The following DHX40 variants were observed in gnomAD, a reference collection of about 807,000 sequenced individuals.
The protein encoded by DHX40 is probable ATP-dependent RNA helicase DHX40.
DHX40 carries 28 observed loss-of-function variants against 89.6 expected under a neutral mutation model. That is an observed-to-expected ratio of 0.31 (90% CI 0.23 to 0.43). The LOEUF (loss-of-function observed/expected upper bound fraction) is 0.43, where lower values mean the gene tolerates loss of function less well. Among genes scored for constraint, DHX40 ranks in the 20% least tolerant of loss-of-function variants. The pLI is 1.00. For synonymous variants in DHX40, 226 were observed against 283.6 expected, an observed-to-expected ratio of 0.80 and a Z score of 2.04; for missense variants, 457 against 844.0, an observed-to-expected ratio of 0.54 and a Z score of 5.68.
intron 14 of DHX40, 111 bp from the exon 15 acceptor site, chr17:59,602,411 A>C: frequency 1.1e-6 from 1 of 950,098 alleles, no homozygotes; most frequent in Non-Finnish European, 1.5e-6. Flanking sequence ...GGTCTCTCTT[A>C]ATCTATGTTG....
At chr17:59,595,170 A>G (rs368100642) in intron 12 of DHX40, among the ~76,000 whole-genome samples, 3 of 151,340 alleles carry the variant, frequency 2.0e-5, no homozygotes, top group Non-Finnish European at 2.9e-5. Flanking sequence ...CACAACCTCT[A>G]CCTCCCAGGT....
chr17:59,589,215 A>ATTTTTTTT (rs1209554990), intron 12 of DHX40, among the ~76,000 whole-genome samples: 3 of 89,352 alleles, frequency 3.4e-5, no homozygotes, highest in South Asian at 4.0e-4. Flanking sequence ...ACTTGCTGGG[A>ATTTTTTTT]TTTTTTTTTT....
At chr17:59,606,484 C>G (rs537688779) in intron 17 of DHX40, among the ~76,000 whole-genome samples, 2 of 151,900 alleles carry the variant, frequency 1.3e-5, no homozygotes, top group East Asian at 3.8e-4. Flanking sequence ...TGGTGGCTCA[C>G]GCCTGTAATC....
intron 15 of DHX40, 117 bp downstream of exon 15, chr17:59,602,733 A>T: frequency 2.2e-6 from 2 of 927,574 alleles, no homozygotes; most frequent in Non-Finnish European, 3.2e-6. Context: ...TGATTATGAC[A>T]TGAATTACAG....
intron 6 of DHX40, 31 bp downstream of exon 6, chr17:59,574,285 A>C (rs2048850344): frequency 2.5e-6 from 1 of 403,846 alleles, no homozygotes; most frequent in Non-Finnish European, 4.4e-6. Context: ...TAAAAAACTT[A>C]AGTATTTGTA....
intron 11 of DHX40, among the ~76,000 whole-genome samples, chr17:59,586,665 G>GAA (rs748237437): frequency 7.7e-6 from 1 of 129,732 alleles, no homozygotes. Flanking sequence ...AACTCCATCT[G>GAA]AAAAAAAAAA....
chr17:59,591,639 C>A (rs1381863434), intron 12 of DHX40, among the ~76,000 whole-genome samples: 2 of 151,036 alleles, frequency 1.3e-5, no homozygotes, highest in African/African-American at 4.9e-5. Context: ...CAAAGGAATT[C>A]CTTTATACCT....
chr17:59,607,983 GC>G lies in DHX40; in HGVS notation c.*813del, dbSNP rs1238624663. On this transcript the variant is annotated 3_prime_UTR_variant, in exon 18 of 18. Coordinates refer to ENST00000251241, the MANE Select transcript of DHX40 (RefSeq NM_024612.5). ...AGGTGTGATAGTACTTTCAAACAGC[GC>G]CTCCACCTGGCCTACTCTGTTATTT... 1 of 154,460 alleles carries G rather than the reference GC, an allele frequency of 6.5e-6. No homozygotes were observed. Among genetic ancestry groups the G allele is most frequent in the Non-Finnish European group, 1.5e-5 (1 of 68,182 alleles). 9.6% of individuals were successfully genotyped at this position (154,460 alleles called of 1,614,324 possible).
chr17:59,602,623 A>G lies in DHX40; in HGVS notation c.1901+7A>G, dbSNP rs1313483434. 3.7e-6 allele frequency: 6 copies of G among 1,610,890 alleles called. No individual in the cohort carries two copies. The highest frequency in any genetic ancestry group is 1.7e-5 in the Admixed American group (1 of 59,918). On this transcript the variant is annotated splice_region_variant and intron_variant, in intron 15 of 17. Transcript: ENST00000251241. ...TCAAAAATGTAGCTCGAAGGTAAGC[A>G]ATAAAGACTTGAGAGATGGATCAAG...
At chr17:59,575,496 T>C in intron 7 of DHX40, 25 bp downstream of exon 7, 1 of 1,607,310 alleles carries the variant, frequency 6.2e-7, no homozygotes, top group Non-Finnish European at 8.5e-7. Flanking sequence ...GAATAGAAAA[T>C]TTGATTTTTT....
At chr17:59,602,159 T>A (rs913904267) in intron 14 of DHX40, among the ~76,000 whole-genome samples, 1 of 152,170 alleles carries the variant, frequency 6.6e-6, no homozygotes, top group East Asian at 1.9e-4. Flanking sequence ...TCTAGCCACC[T>A]TGGTCTTCCT....
chr17:59,573,548 G>T (rs990762842), intron 4 of DHX40, among the ~76,000 whole-genome samples, 192 bp from the exon 5 acceptor site: 4 of 152,076 alleles, frequency 2.6e-5, no homozygotes, highest in African/African-American at 9.7e-5. Context: ...TTCCCTGGCA[G>T]GTCTCGACCT....
chr17:59,587,597 A>G (rs1478945754), intron 11 of DHX40, among the ~76,000 whole-genome samples: 6 of 151,708 alleles, frequency 4.0e-5, no homozygotes, highest in Middle Eastern at 6.8e-3. Context: ...AGCAGGGACT[A>G]CAGGCGCATG....
intron 12 of DHX40, among the ~76,000 whole-genome samples, chr17:59,594,341 C>T (rs1292127913): frequency 4.6e-5 from 7 of 151,928 alleles, no homozygotes; most frequent in Non-Finnish European, 1.0e-4. Flanking sequence ...TTGGGCACCT[C>T]GGCAGGGGCA....
chr17:59,571,057 A>G (rs2048800346), intron 3 of DHX40, among the ~76,000 whole-genome samples: 1 of 152,136 alleles, frequency 6.6e-6, no homozygotes, highest in South Asian at 2.1e-4. Context: ...TTTTAACTGT[A>G]AGGATTCTTG....
At chr17:59,586,307 C>T (rs1480615298) in intron 11 of DHX40, 74 bp downstream of exon 11, 3 of 1,145,078 alleles carry the variant, frequency 2.6e-6, no homozygotes, top group Non-Finnish European at 3.7e-6. Context: ...AAATACCTTT[C>T]TCTAACAGTA....
chr17:59,570,569 C>T lies in DHX40; in HGVS notation c.332C>T (p.Ala111Val). 2 of 1,610,272 alleles carry T rather than the reference C, an allele frequency of 1.2e-6. No individual in the cohort carries two copies. Among genetic ancestry groups the T allele is most frequent in the Non-Finnish European group, 1.7e-6 (2 of 1,178,298 alleles). ...IGVTQPRKVA[A>V]ISVAQRVAEE... ...GTAACTCAACCACGAAAAGTAGCTGCTATATCAGTTGCTCAGAGAGTAGCT... is the reference window on the plus strand; with the variant it reads ...GTAACTCAACCACGAAAAGTAGCTGTTATATCAGTTGCTCAGAGAGTAGCT... The change falls in exon 3 of 18, where the codon GCT becomes GTT. Residue 111 changes from alanine to valine, a missense_variant. By Grantham distance (64) the Ala-to-Val change is moderately conservative. Coordinates refer to ENST00000251241, the MANE Select transcript of DHX40 (RefSeq NM_024612.5).
chr17:59,586,590 T>C (rs967284235), intron 11 of DHX40, among the ~76,000 whole-genome samples: 1 of 150,674 alleles, frequency 6.6e-6, no homozygotes, highest in Non-Finnish European at 1.5e-5. Context: ...GGTGTGATCC[T>C]GGGAGGCAGA....
intron 1 of DHX40, among the ~76,000 whole-genome samples, chr17:59,566,205 C>T (rs1050284969): frequency 6.6e-6 from 1 of 152,150 alleles, no homozygotes; most frequent in Non-Finnish European, 1.5e-5. Context: ...TCGCTCTGAA[C>T]AGGGACCTAA....
Sources: allele counts gnomAD v4.1 joint callset (sites outside exome capture counted in the v4.1 genomes callset), GRCh38; gene constraint gnomAD v4.1.1; transcripts MANE v1.5; gene names NCBI Gene and HGNC (gene_info 2026-07-23, HGNC 2026-07-21).